SLC35F3: variants seen among roughly 807,000 people sequenced by gnomAD.
SLC35F3 encodes solute carrier family 35 member F3.
A neutral mutation model predicts 49.9 loss-of-function variants in SLC35F3; 25 were observed. That is an observed-to-expected ratio of 0.50 (90% CI 0.37 to 0.70). The LOEUF is 0.70. Among genes scored for constraint, SLC35F3 ranks in the 30% least tolerant of loss-of-function variants. The probability of loss-of-function intolerance (pLI) is 0.00; values close to 1 mark genes in which losing one functional copy is unlikely to be tolerated. For missense variants in SLC35F3, 525 were observed against 639.8 expected (o/e 0.82, Z 1.94); for synonymous variants, 275 against 265.4 (o/e 1.04, Z -0.35).
chr1:234,181,338 GAAA>G (rs34757532), intron 2 of SLC35F3, among the ~76,000 whole-genome samples: 3 of 97,310 alleles, frequency 3.1e-5, no homozygotes, highest in South Asian at 3.0e-4. Context: ...TCTGTCTCAA[GAAA>G]AAAAAAAAAA....
In SLC35F3 at chr1:234,231,616, G is replaced by A. The variant is rs772893092; in HGVS notation, c.483G>A (p.Arg161=). The part of the protein sequence containing the change: ...GSTQLAKLTF[R]KFDAPFTLTW... ...CGCAGCTCGCCAAGCTGACCTTCAG[G>A]AAGTTCGACGCGCCCTTCACCCTCA... Residue 161 remains arginine (R), a synonymous_variant, in exon 3 of 8, where the codon AGG becomes AGA. Coordinates refer to ENST00000366618, the MANE Select transcript of SLC35F3 (RefSeq NM_173508.4). The surrounding 1 kb of genome is among the most constrained non-coding windows in gnomAD (Gnocchi z 5.4). 1 of 1,614,210 alleles carries A rather than the reference G, an allele frequency of 6.2e-7. No homozygotes were observed. The highest frequency in any genetic ancestry group is 1.1e-5 in the South Asian group (1 of 91,088).
intron 2 of SLC35F3, among the ~76,000 whole-genome samples, chr1:234,181,565 C>T (rs150582307): frequency 3.5e-3 from 526 of 152,246 alleles, no homozygotes; most frequent in African/African-American, 0.011. Flanking sequence ...ATCTTTTAAT[C>T]TATAGGTGCC....
chr1:234,177,605 G>C (rs1278810245), intron 2 of SLC35F3, among the ~76,000 whole-genome samples: 1 of 152,196 alleles, frequency 6.6e-6, no homozygotes, highest in Non-Finnish European at 1.5e-5. Flanking sequence ...GCACTAACTT[G>C]TCAGAGTCTG....
chr1:234,020,526 A>T (rs1663875864), intron 2 of SLC35F3, among the ~76,000 whole-genome samples: 1 of 151,016 alleles, frequency 6.6e-6, no homozygotes, highest in African/African-American at 2.4e-5. Context: ...TTTTTTGAAA[A>T]TTATGATTTT....
intron 3 of SLC35F3, among the ~76,000 whole-genome samples, chr1:234,262,536 G>A (rs527547722): frequency 1.3e-5 from 2 of 152,344 alleles, no homozygotes; most frequent in Non-Finnish European, 2.9e-5. Context: ...GAAAGAAACA[G>A]TTCCACTTCC....
chr1:234,262,859 CTGTT>C (rs1413879185), intron 3 of SLC35F3, among the ~76,000 whole-genome samples: 1 of 152,212 alleles, frequency 6.6e-6, no homozygotes, highest in Non-Finnish European at 1.5e-5. Context: ...GAAAACAGGA[CTGTT>C]TGTATTCTAA....
intron 2 of SLC35F3, among the ~76,000 whole-genome samples, chr1:234,224,093 C>T (rs1410806310): frequency 2.0e-5 from 3 of 151,476 alleles, no homozygotes; most frequent in African/African-American, 7.3e-5. Context: ...AAGACAGGGT[C>T]TCACTCCTAT....
At chr1:234,275,141 C>T (rs1210205999) in intron 3 of SLC35F3, among the ~76,000 whole-genome samples, 1 of 152,178 alleles carries the variant, frequency 6.6e-6, no homozygotes, top group East Asian at 1.9e-4. Flanking sequence ...CACACCGGAC[C>T]TCATTTGATG....
intron 2 of SLC35F3, among the ~76,000 whole-genome samples, chr1:234,072,684 ATGCAACCCCT>A (rs976692832): frequency 4.6e-5 from 7 of 152,136 alleles, no homozygotes; most frequent in African/African-American, 1.7e-4. Context: ...AAGAAAGCCA[ATGCAACCCCT>A]TGCAATGAGG....
At chr1:234,201,695 G>A (rs140960543) in intron 2 of SLC35F3, among the ~76,000 whole-genome samples, 209 of 152,202 alleles carry the variant, frequency 1.4e-3, no homozygotes, top group African/African-American at 4.7e-3. Context: ...TTCTGAGGAC[G>A]GTCCCCACCC....
intron 2 of SLC35F3, among the ~76,000 whole-genome samples, chr1:234,180,203 A>ACTTC (rs1282089902): frequency 6.6e-6 from 1 of 152,100 alleles, no homozygotes; most frequent in Non-Finnish European, 1.5e-5. Context: ...GGGCTCTCTG[A>ACTTC]CTTCCCTCTT....
chr1:233,922,599 C>T (rs1161701962), intron 2 of SLC35F3, among the ~76,000 whole-genome samples: 3 of 150,464 alleles, frequency 2.0e-5, no homozygotes, highest in East Asian at 2.0e-4. Flanking sequence ...CTGTAGGTTG[C>T]CTGTTCACTC....
chr1:234,029,287 T>C (rs1318884659), intron 2 of SLC35F3, among the ~76,000 whole-genome samples: 1 of 152,120 alleles, frequency 6.6e-6, no homozygotes, highest in Non-Finnish European at 1.5e-5. Flanking sequence ...AGGTGATAAT[T>C]AAATTGGCAG....
At chr1:234,091,029 T>G (rs1301687650) in intron 2 of SLC35F3, among the ~76,000 whole-genome samples, 1 of 152,224 alleles carries the variant, frequency 6.6e-6, no homozygotes, top group Admixed American at 6.5e-5. Flanking sequence ...GTGCAATAAC[T>G]TCACTTTAGC....
chr1:234,050,023 A>C (rs1436969156), intron 2 of SLC35F3, among the ~76,000 whole-genome samples: 1 of 152,164 alleles, frequency 6.6e-6, no homozygotes, highest in African/African-American at 2.4e-5. Context: ...ACACTTTATT[A>C]ATCCAGTCTA....
chr1:233,925,501 A>C (rs1571982130), intron 2 of SLC35F3, among the ~76,000 whole-genome samples: 1 of 151,900 alleles, frequency 6.6e-6, no homozygotes, highest in South Asian at 2.1e-4. Flanking sequence ...ATCTTCCTCC[A>C]TCCCTTTATT....
rs376428464 is a variant in SLC35F3, at chr1:234,214,396, C to G, written c.284-17021C>G. ...GGGGCGAGCCGCTGGTGCTCCCCGG[C>G]GGCAGAGGGCCGCGTCGGCCACGGG... is the stretch of plus-strand genomic sequence containing the variant. On this transcript the variant is annotated intron_variant, in intron 2 of 7. Coordinates refer to ENST00000366618, the MANE Select transcript of SLC35F3 (RefSeq NM_173508.4). The surrounding 1 kb of genome is among the most constrained non-coding windows in gnomAD (Gnocchi z 8.0). 27 of 1,370,212 alleles carry G rather than the reference C, an allele frequency of 2.0e-5. No individual in the cohort carries two copies. In the East Asian group the frequency reaches 6.8e-4, roughly 35 times the overall value. 84.9% of individuals were successfully genotyped at this position (1,370,212 alleles called of 1,614,324 possible).
chr1:234,267,511 A>G (rs1668007459), intron 3 of SLC35F3, among the ~76,000 whole-genome samples: 1 of 128,268 alleles, frequency 7.8e-6, no homozygotes, highest in Non-Finnish European at 1.6e-5. Context: ...CGGGGGGCTG[A>G]CCCCCCCACC....
chr1:234,033,187 C>A (rs1481981086), intron 2 of SLC35F3, among the ~76,000 whole-genome samples: 1 of 152,028 alleles, frequency 6.6e-6, no homozygotes, highest in Non-Finnish European at 1.5e-5. Context: ...TGTCCTTAGC[C>A]CACTTTTTGA....
Sources: gnomAD v4.1 joint callset for allele counts (sites outside exome capture counted in the v4.1 genomes callset) on GRCh38, gnomAD v4.1.1 for gene constraint, Gnocchi (gnomAD v3.1) non-coding constraint, MANE v1.5 for transcripts, NCBI Gene and HGNC (gene_info 2026-07-23, HGNC 2026-07-21) for gene names.